The following GDF2 variants were observed in gnomAD, a reference collection of about 807,000 sequenced individuals.
The protein encoded by GDF2 is growth/differentiation factor 2.
A neutral mutation model predicts 16.9 loss-of-function variants in GDF2; 17 were observed. That is an observed-to-expected ratio of 1.00 (90% CI 0.69 to 1.51). GDF2 has a LOEUF of 1.51. Among genes scored for constraint, GDF2 ranks in the 40% most tolerant of loss-of-function variants. The probability of loss-of-function intolerance (pLI) is 0.00; values close to 1 mark genes in which losing one functional copy is unlikely to be tolerated. For missense variants in GDF2, 523 were observed against 556.3 expected, an observed-to-expected ratio of 0.94 and a Z score of 0.60; for synonymous variants, 276 against 237.6, an observed-to-expected ratio of 1.16 and a Z score of -1.49.
chr10:47,325,691 C>T lies in GDF2; in HGVS notation c.1197C>T (p.Ser399=). The T allele has an allele frequency of 1.2e-6, 2 of 1,606,720 alleles. No homozygotes were observed. Among genetic ancestry groups the T allele is most frequent in the Non-Finnish European group, 1.7e-6 (2 of 1,175,474 alleles). ...GKACCVPTKL[S]PISVLYKDDM... is the part of the protein sequence containing the mutation. ...CCTGCTGTGTGCCCACCAAACTGAG[C>T]CCCATCTCCGTCCTCTACAAGGATG... The change falls in exon 2 of 2, where the codon AGC becomes AGT. Residue 399 remains serine (S), a synonymous_variant. Coordinates refer to ENST00000581492, the MANE Select transcript of GDF2 (RefSeq NM_016204.4).
At position 47,327,110 on chromosome 10, in the gene GDF2, C is replaced by T. The variant is rs1555209207; in HGVS notation, c.*1326C>T. Among the ~76,000 whole-genome samples, 1 of 152,206 alleles carries T rather than the reference C, an allele frequency of 6.6e-6. No homozygotes were observed. Among genetic ancestry groups the T allele is most frequent in the East Asian group, 1.9e-4 (1 of 5,184 alleles). ...CCTGGGCTCGGACTGTGGGACCAGA[C>T]TCAGCCTCCCCGAACACAAGGGAAG... is the stretch of plus-strand genomic sequence containing the variant. On this transcript the variant is annotated 3_prime_UTR_variant, in exon 2 of 2. Coordinates refer to ENST00000581492, the MANE Select transcript of GDF2 (RefSeq NM_016204.4).
rs782085717 is a variant in GDF2 at position 47,322,932 on chromosome 10, C to G, written c.264C>G (p.Tyr88Ter). Residue 88 changes from tyrosine to a stop codon, truncating the protein, a stop_gained, in exon 1 of 2, where the codon TAC becomes TAG. Transcript: ENST00000581492. LOFTEE classifies it high-confidence loss of function. ...AAACCAGGGTGGAGCCGCCGCAGTACATGATTGACCTGTACAACAGGTACA... is the reference window on the plus strand; with the variant it reads ...AAACCAGGGTGGAGCCGCCGCAGTAGATGATTGACCTGTACAACAGGTACA... ...QDKTRVEPPQ[Y>*]MIDLYNRYTS... 1 of 1,614,090 alleles carries G rather than the reference C, an allele frequency of 6.2e-7. No homozygotes were observed. Among genetic ancestry groups the G allele is most frequent in the Non-Finnish European group, 8.5e-7 (1 of 1,179,956 alleles).
In GDF2 at chr10:47,325,148, C is replaced by T. The variant is rs782545137; in HGVS notation, c.654C>T (p.Asp218=). The part of the protein sequence containing the change: ...SSAVKRWVRS[D]STKSKNKLEV... Reference sequence around the variant, plus strand: ...CCGTGAAGCGCTGGGTCCGGTCCGACTCCACCAAGAGCAAAAATAAGCTGG... The same window carrying T: ...CCGTGAAGCGCTGGGTCCGGTCCGATTCCACCAAGAGCAAAAATAAGCTGG... The change falls in exon 2 of 2, where the codon GAC becomes GAT. Residue 218 remains aspartate (D), a synonymous_variant. Coordinates refer to ENST00000581492, the MANE Select transcript of GDF2 (RefSeq NM_016204.4). The T allele has an allele frequency of 5.2e-5, 84 of 1,613,790 alleles. No homozygotes were observed. The highest frequency in any genetic ancestry group is 6.8e-5 in the Non-Finnish European group (80 of 1,180,048).
chr10:47,322,980 A>T lies in GDF2; in HGVS notation c.312A>T (p.Pro104=). ...NRYTSDKSTT[P]ASNIVRSFSM... is the part of the protein sequence containing the mutation. Reference sequence around the variant, plus strand: ...ACACGTCCGATAAGTCGACTACGCCAGCGTCCAACATTGTGCGGAGCTTCA... The same window carrying T: ...ACACGTCCGATAAGTCGACTACGCCTGCGTCCAACATTGTGCGGAGCTTCA... The change falls in exon 1 of 2, where the codon CCA becomes CCT. Residue 104 remains proline (P), a synonymous_variant. Transcript: ENST00000581492. 6.2e-7 allele frequency: 1 copy of T among 1,606,190 alleles called. No individual in the cohort carries two copies.
rs781974699 is a variant in GDF2, at chr10:47,325,247, G to C, written c.753G>C (p.Leu251=). The change falls in exon 2 of 2, where the codon CTG becomes CTC. Residue 251 remains leucine (L), a synonymous_variant. Coordinates refer to ENST00000581492, the MANE Select transcript of GDF2 (RefSeq NM_016204.4). The stretch of plus-strand genomic sequence containing the variant: ...GTGTCCCCCCAGGTTCCAGAAACCT[G>C]CCCTTCTTTGTTGTCTTCTCCAATG... The part of the protein sequence containing the change: ...DISVPPGSRN[L]PFFVVFSNDH... The C allele has an allele frequency of 6.2e-7, 1 of 1,614,164 alleles. No individual in the cohort carries two copies. The highest frequency in any genetic ancestry group is 1.1e-5 in the South Asian group (1 of 91,070).
rs1173538585 is a variant in GDF2, at chr10:47,325,672, G to A, written c.1178G>A (p.Cys393Tyr). ...CCCACAAAGGTGGGCAAGGCCTGCT[G>A]TGTGCCCACCAAACTGAGCCCCATC... ...KFPTKVGKACCVPTKLSPISV... is the reference protein window; with the variant it reads ...KFPTKVGKACYVPTKLSPISV... Residue 393 changes from cysteine (C) to tyrosine (Y), a missense_variant, in exon 2 of 2, where the codon TGT becomes TAT. Coordinates refer to ENST00000581492, the MANE Select transcript of GDF2 (RefSeq NM_016204.4). 3 of 1,611,096 alleles carry A rather than the reference G, an allele frequency of 1.9e-6. No homozygotes were observed. The highest frequency in any genetic ancestry group is 1.7e-6 in the Non-Finnish European group (2 of 1,178,010).
At position 47,324,983 on chromosome 10, in the gene GDF2, T is replaced by C; in HGVS notation, c.489T>C (p.Ser163=). The C allele has an allele frequency of 6.2e-7, 1 of 1,614,156 alleles. No homozygotes were observed. Among genetic ancestry groups the C allele is most frequent in the Non-Finnish European group, 8.5e-7 (1 of 1,180,032 alleles). Reference sequence around the variant, plus strand: ...CCTGTCAAAATCACGTGGACCCCTCTCATGACCTGAAAGGAAGCGTGGTCA... The same window carrying C: ...CCTGTCAAAATCACGTGGACCCCTCCCATGACCTGAAAGGAAGCGTGGTCA... The part of the protein sequence containing the change: ...YVSCQNHVDP[S]HDLKGSVVIY... The change falls in exon 2 of 2, where the codon TCT becomes TCC. Residue 163 remains serine, a synonymous_variant. Coordinates refer to ENST00000581492, the MANE Select transcript of GDF2 (RefSeq NM_016204.4).
chr10:47,322,922 C>G lies in GDF2; in HGVS notation c.254C>G (p.Pro85Arg), dbSNP rs199804679. 6.2e-7 allele frequency: 1 copy of G among 1,614,156 alleles called. No homozygotes were observed. Among genetic ancestry groups the G allele is most frequent in the Non-Finnish European group, 8.5e-7 (1 of 1,180,012 alleles). ...TCGCAGGACAAAACCAGGGTGGAGC[C>G]GCCGCAGTACATGATTGACCTGTAC... Reference protein sequence around the residue: ...VPSQDKTRVEPPQYMIDLYNR... With the variant: ...VPSQDKTRVERPQYMIDLYNR... Residue 85 changes from proline to arginine, a missense_variant, in exon 1 of 2, where the codon CCG becomes CGG. Coordinates refer to ENST00000581492, the MANE Select transcript of GDF2 (RefSeq NM_016204.4).
rs147227713 is a variant in GDF2 at position 47,325,483 on chromosome 10, C to A, written c.989C>A (p.Thr330Asn). The A allele has an allele frequency of 3.1e-6, 5 of 1,613,876 alleles. No individual in the cohort carries two copies. The African/African-American group carries it at 5.3e-5, about 17-fold the overall frequency. ...SAGAGSHCQK[T>N]SLRVNFEDIG... ...GGGGCTGGCAGCCACTGTCAAAAGA[C>A]CTCCCTGCGGGTAAACTTCGAGGAC... Residue 330 changes from threonine to asparagine, a missense_variant, in exon 2 of 2, where the codon ACC becomes AAC. Thr to Asn is a moderately conservative substitution (Grantham distance 65, BLOSUM62 0). Coordinates refer to ENST00000581492, the MANE Select transcript of GDF2 (RefSeq NM_016204.4).
chr10:47,323,247 G>A (rs61844841), intron 1 of GDF2, among the ~76,000 whole-genome samples: 268 of 152,318 alleles, frequency 1.8e-3, no homozygotes, highest in Non-Finnish European at 3.2e-3. Flanking sequence ...CATGGTTACT[G>A]AGAGTTCTAC....
chr10:47,325,027 G>T lies in GDF2; in HGVS notation c.533G>T (p.Gly178Val). 1 of 1,614,124 alleles carries T rather than the reference G, an allele frequency of 6.2e-7. No individual in the cohort carries two copies. Among genetic ancestry groups the T allele is most frequent in the Non-Finnish European group, 8.5e-7 (1 of 1,180,038 alleles). Residue 178 changes from glycine to valine, a missense_variant, in exon 2 of 2, where the codon GGA (glycine) becomes GTA (valine). Coordinates refer to ENST00000581492, the MANE Select transcript of GDF2 (RefSeq NM_016204.4). ...GSVVIYDVLDGTDAWDSATET... is the reference protein window; with the variant it reads ...GSVVIYDVLDVTDAWDSATET... ...GTGGTCATTTATGATGTTCTGGATGGAACAGATGCCTGGGATAGTGCTACA... is the reference window on the plus strand; with the variant it reads ...GTGGTCATTTATGATGTTCTGGATGTAACAGATGCCTGGGATAGTGCTACA...
At chr10:47,323,532 T>G (rs1468334626) in intron 1 of GDF2, among the ~76,000 whole-genome samples, 2 of 152,262 alleles carry the variant, frequency 1.3e-5, no homozygotes, top group African/African-American at 4.8e-5. Flanking sequence ...ATGAAACGGT[T>G]TTAAAAATCA....
rs782819424 is a variant in GDF2, at chr10:47,325,420, C to T, written c.926C>T (p.Ala309Val). ...SHEEDTDGHV[A>V]AGSTLARRKR... is the part of the protein sequence containing the mutation. ...GAGGAGGACACGGATGGCCACGTGG[C>T]TGCGGGGTCGACTTTAGCCAGGCGG... Residue 309 changes from alanine to valine, a missense_variant, in exon 2 of 2, where the codon GCT (alanine) becomes GTT (valine). Coordinates refer to ENST00000581492, the MANE Select transcript of GDF2 (RefSeq NM_016204.4). The T allele has an allele frequency of 4.3e-6, 7 of 1,613,806 alleles. No individual in the cohort carries two copies. In the Admixed American group the frequency reaches 8.3e-5, roughly 19 times the overall value.
chr10:47,323,803 G>A (rs868956709), intron 1 of GDF2, among the ~76,000 whole-genome samples: 7 of 152,198 alleles, frequency 4.6e-5, no homozygotes, highest in African/African-American at 1.2e-4. Context: ...AAACCTGTCT[G>A]CCTGCAGAGC....
chr10:47,323,089 C>T, intron 1 of GDF2, 75 bp downstream of exon 1: 1 of 1,039,484 alleles, frequency 9.6e-7, no homozygotes, highest in Non-Finnish European at 1.4e-6. Flanking sequence ...AGGGTGGAGG[C>T]CACTGGCCAT....
chr10:47,325,734 C>T lies in GDF2; in HGVS notation c.1240C>T (p.Leu414Phe). ...LYKDDMGVPT[L>F]KYHYEGMSVA... The stretch of plus-strand genomic sequence containing the variant: ...CAAGGATGACATGGGGGTGCCCACC[C>T]TCAAGTACCATTACGAGGGCATGAG... Residue 414 changes from leucine (L) to phenylalanine (F), a missense_variant, in exon 2 of 2, where the codon CTC (leucine) becomes TTC (phenylalanine). By Grantham distance (22) the Leu-to-Phe change is conservative (BLOSUM62 0). Coordinates refer to ENST00000581492, the MANE Select transcript of GDF2 (RefSeq NM_016204.4). 6.4e-7 allele frequency: 1 copy of T among 1,574,356 alleles called. No individual in the cohort carries two copies. Among genetic ancestry groups the T allele is most frequent in the South Asian group, 1.2e-5 (1 of 84,030 alleles).
Position 47,326,761 on chromosome 10 carries a change from G to A in GDF2, c.*977G>A, listed in dbSNP as rs2061109046. Among the ~76,000 whole-genome samples, 1 of 152,234 alleles carries A rather than the reference G, an allele frequency of 6.6e-6. No individual in the cohort carries two copies. The highest frequency in any genetic ancestry group is 6.5e-5 in the Admixed American group (1 of 15,288). On this transcript the variant is annotated 3_prime_UTR_variant, in exon 2 of 2. Coordinates refer to ENST00000581492, the MANE Select transcript of GDF2 (RefSeq NM_016204.4). Reference sequence around the variant, plus strand: ...GAGAGGGCCGGGCACACTTTCCCCTGAGGGATGGGGCAGCCTGTGGCCAGC... The same window carrying A: ...GAGAGGGCCGGGCACACTTTCCCCTAAGGGATGGGGCAGCCTGTGGCCAGC...
At chr10:47,324,606 T>C (rs2061096969) in intron 1 of GDF2, among the ~76,000 whole-genome samples, 1 of 152,330 alleles carries the variant, frequency 6.6e-6, no homozygotes, top group East Asian at 1.9e-4. Context: ...ACATAGTAGA[T>C]GCTCGATAAA....
chr10:47,324,981 T>A lies in GDF2; in HGVS notation c.487T>A (p.Ser163Thr). ...YVSCQNHVDPSHDLKGSVVIY... is the reference protein window; with the variant it reads ...YVSCQNHVDPTHDLKGSVVIY... ...CTCCTGTCAAAATCACGTGGACCCC[T>A]CTCATGACCTGAAAGGAAGCGTGGT... The change falls in exon 2 of 2, where the codon TCT (serine) becomes ACT (threonine). Residue 163 changes from serine (S) to threonine (T), a missense_variant. Transcript: ENST00000581492. The A allele has an allele frequency of 1.2e-6, 2 of 1,614,094 alleles. No homozygotes were observed. The highest frequency in any genetic ancestry group is 1.7e-6 in the Non-Finnish European group (2 of 1,180,004).
Sources: allele counts gnomAD v4.1 joint callset (sites outside exome capture counted in the v4.1 genomes callset), GRCh38; gene constraint gnomAD v4.1.1; transcripts MANE v1.5; gene names NCBI Gene and HGNC (gene_info 2026-07-23, HGNC 2026-07-21).